ARSJ: variants seen among roughly 807,000 people sequenced by gnomAD.
The protein encoded by ARSJ is arylsulfatase J.
Under a neutral mutation model 35.9 loss-of-function variants are expected in ARSJ, and 26 were observed. The ratio of observed to expected loss-of-function variants is 0.72; its 90% CI spans 0.53 to 1.00. The LOEUF is 1.00. Ranked by LOEUF, ARSJ falls within the 50% of genes least tolerant of loss-of-function variation. ARSJ has a pLI of 0.00. For missense variants in ARSJ, 667 were observed against 723.6 expected, an observed-to-expected ratio of 0.92 and a Z score of 0.90; for synonymous variants, 294 against 267.6, an observed-to-expected ratio of 1.10 and a Z score of -0.96.
chr4:113,954,154 A>G (rs919349496), intron 1 of ARSJ, among the ~76,000 whole-genome samples: 12 of 152,030 alleles, frequency 7.9e-5, no homozygotes, highest in African/African-American at 2.4e-4. Context: ...ATCTCAGTAC[A>G]TATTTGAATA....
intron 1 of ARSJ, among the ~76,000 whole-genome samples, chr4:113,949,101 A>G (rs139336729): frequency 1.1e-3 from 168 of 152,174 alleles, no homozygotes; most frequent in Non-Finnish European, 1.7e-3. Context: ...CAGAAAATCA[A>G]ACACCACATG....
At chr4:113,950,396 A>T (rs1311429534) in intron 1 of ARSJ, among the ~76,000 whole-genome samples, 3 of 152,094 alleles carry the variant, frequency 2.0e-5, no homozygotes, top group Non-Finnish European at 4.4e-5. Context: ...TAGCAGATGT[A>T]GGAAGCCCCA....
At chr4:113,934,718 G>A (rs866547116) in intron 1 of ARSJ, among the ~76,000 whole-genome samples, 1 of 151,710 alleles carries the variant, frequency 6.6e-6, no homozygotes, top group Non-Finnish European at 1.5e-5. Context: ...TTATATGAGT[G>A]TATTTTATTG....
chr4:113,910,206 C>T (rs1053784065), intron 1 of ARSJ, among the ~76,000 whole-genome samples: 2 of 152,068 alleles, frequency 1.3e-5, no homozygotes, highest in Admixed American at 1.3e-4. Context: ...CTAAGTAGAC[C>T]TTTCAGCTTG....
At chr4:113,930,049 C>T (rs569433439) in intron 1 of ARSJ, among the ~76,000 whole-genome samples, 1 of 152,244 alleles carries the variant, frequency 6.6e-6, no homozygotes, top group African/African-American at 2.4e-5. Flanking sequence ...AAGCAGCCAA[C>T]TCCAGAAACC....
intron 1 of ARSJ, among the ~76,000 whole-genome samples, chr4:113,904,642 G>C (rs998433623): frequency 1.3e-5 from 2 of 152,058 alleles, no homozygotes; most frequent in African/African-American, 4.8e-5. Flanking sequence ...CTGCCACCAC[G>C]CCCAGATAAT....
At chr4:113,921,582 G>T (rs1053541778) in intron 1 of ARSJ, among the ~76,000 whole-genome samples, 2 of 152,100 alleles carry the variant, frequency 1.3e-5, no homozygotes, top group Non-Finnish European at 2.9e-5. Context: ...TCAGTGGCTT[G>T]TTATGGTGAA....
At chr4:113,964,528 A>G (rs1317760215) in intron 1 of ARSJ, among the ~76,000 whole-genome samples, 1 of 152,112 alleles carries the variant, frequency 6.6e-6, no homozygotes, top group Non-Finnish European at 1.5e-5. Context: ...ATTGAACTCT[A>G]TGAGACCTTA....
At chr4:113,909,381 C>A (rs1366239097) in intron 1 of ARSJ, among the ~76,000 whole-genome samples, 2 of 152,088 alleles carry the variant, frequency 1.3e-5, no homozygotes, top group Non-Finnish European at 2.9e-5. Context: ...AAAAGGGATT[C>A]CTGAATTGGA....
At chr4:113,905,693 A>C (rs1486108602) in intron 1 of ARSJ, among the ~76,000 whole-genome samples, 2 of 58,992 alleles carry the variant, frequency 3.4e-5, no homozygotes, top group African/African-American at 5.4e-5. Flanking sequence ...TTTTTTAGAC[A>C]GTCTCGCTCT....
intron 1 of ARSJ, among the ~76,000 whole-genome samples, chr4:113,947,609 G>GGGAT: frequency 6.8e-6 from 1 of 146,470 alleles, no homozygotes; most frequent in East Asian, 2.0e-4. Flanking sequence ...GGGAGAGAGA[G>GGGAT]GGAGGGAGGA....
intron 1 of ARSJ, among the ~76,000 whole-genome samples, chr4:113,911,342 G>A (rs988903760): frequency 6.6e-6 from 1 of 152,164 alleles, no homozygotes; most frequent in Non-Finnish European, 1.5e-5. Context: ...GAAGGTCACA[G>A]GAAGTCACAG....
intron 1 of ARSJ, among the ~76,000 whole-genome samples, chr4:113,922,813 T>C (rs1723768242): frequency 6.6e-6 from 1 of 152,172 alleles, no homozygotes; most frequent in Non-Finnish European, 1.5e-5. Flanking sequence ...TGCAATTTGT[T>C]GTACTACATA....
chr4:113,971,269 G>A (rs1318895599), intron 1 of ARSJ, among the ~76,000 whole-genome samples: 1 of 152,122 alleles, frequency 6.6e-6, no homozygotes, highest in Non-Finnish European at 1.5e-5. Context: ...TTAAAGGCAG[G>A]GGCCCTAGGT....
chr4:113,947,005 T>A (rs1179390271), intron 1 of ARSJ, among the ~76,000 whole-genome samples: 2 of 152,124 alleles, frequency 1.3e-5, no homozygotes, highest in East Asian at 3.9e-4. Flanking sequence ...TGAAGTGGTA[T>A]CCAATATATC....
intron 1 of ARSJ, among the ~76,000 whole-genome samples, chr4:113,965,737 G>A (rs1726851858): frequency 6.6e-6 from 1 of 151,828 alleles, no homozygotes; most frequent in African/African-American, 2.4e-5. Context: ...TTTTATTTAG[G>A]AAAAATGTAT....
rs778014769 is a variant in ARSJ, at chr4:113,902,352, C to A, written c.1722G>T (p.Lys574Asn). The A allele has an allele frequency of 1.2e-6, 2 of 1,612,974 alleles. No individual in the cohort carries two copies. The highest frequency in any genetic ancestry group is 2.2e-5 in the East Asian group (1 of 44,880). Residue 574 changes from lysine to asparagine, a missense_variant, in exon 2 of 2, where the codon AAG becomes AAT. Transcript: ENST00000315366. ...PSKNQAEKKQ[K>N]KSKKKKKKQQ... ...GTTTCTTCTTCTTTTTTTTGCTTTT[C>A]TTTTGCTTTTTCTCAGCCTGATTTT...
At chr4:113,931,122 A>T (rs1237890936) in intron 1 of ARSJ, among the ~76,000 whole-genome samples, 1 of 152,000 alleles carries the variant, frequency 6.6e-6, no homozygotes, top group East Asian at 1.9e-4. Flanking sequence ...ACATGTATAC[A>T]TATGTAACTA....
At chr4:113,907,469 C>G (rs2099669105) in intron 1 of ARSJ, among the ~76,000 whole-genome samples, 1 of 151,938 alleles carries the variant, frequency 6.6e-6, no homozygotes, top group African/African-American at 2.4e-5. Flanking sequence ...TATGTTAGCA[C>G]TTTAGTTGGG....
Sources: gnomAD v4.1 joint callset for allele counts (sites outside exome capture counted in the v4.1 genomes callset) on GRCh38, gnomAD v4.1.1 for gene constraint, MANE v1.5 for transcripts, NCBI Gene and HGNC (gene_info 2026-07-23, HGNC 2026-07-21) for gene names.